The following PAX5 variants were observed in gnomAD, a reference collection of about 807,000 sequenced individuals.
PAX5 encodes the protein paired box 5.
Under a neutral mutation model 43.7 loss-of-function variants are expected in PAX5, and 9 were observed. That is an observed-to-expected ratio of 0.21 (90% confidence interval 0.12 to 0.36). The LOEUF (loss-of-function observed/expected upper bound fraction) is 0.36. PAX5 is among the 10% of genes least tolerant of loss of function. The pLI is 1.00. For missense variants in PAX5, 383 were observed against 532.7 expected, an observed-to-expected ratio of 0.72 and a Z score of 2.77; for synonymous variants, 228 against 214.3, an observed-to-expected ratio of 1.06 and a Z score of -0.56.
At chr9:36,972,508 T>C (rs964275993) in intron 5 of PAX5, among the ~76,000 whole-genome samples, 2 of 152,172 alleles carry the variant, frequency 1.3e-5, no homozygotes, top group Non-Finnish European at 2.9e-5. Flanking sequence ...TGACTTATTT[T>C]CCCATTTTGG....
chr9:36,841,626 A>C (rs1275631823), intron 9 of PAX5, among the ~76,000 whole-genome samples: 2 of 152,238 alleles, frequency 1.3e-5, no homozygotes, highest in Non-Finnish European at 2.9e-5. Flanking sequence ...GTCTGTCCCC[A>C]GTTCCAGCCT....
At chr9:36,907,750 T>C (rs2131887220) in intron 7 of PAX5, among the ~76,000 whole-genome samples, 1 of 152,300 alleles carries the variant, frequency 6.6e-6, no homozygotes, top group East Asian at 1.9e-4. Flanking sequence ...ATAAACTGTA[T>C]GTGTACATCC....
rs1385992313 is a variant in PAX5, at chr9:36,837,611, A to G, written c.*2949T>C. On this transcript the variant is annotated 3_prime_UTR_variant, in exon 10 of 10. Coordinates refer to ENST00000358127, the MANE Select transcript of PAX5 (RefSeq NM_016734.3). ...CCAAGCTCCCAGGCAGCTCCGCTGG[A>G]CCACGAGGTGCTGTGAATTGGTGAG... is the stretch of plus-strand genomic sequence containing the variant. 1 of 233,202 alleles carries G rather than the reference A, an allele frequency of 4.3e-6. No homozygotes were observed. Among genetic ancestry groups the G allele is most frequent in the African/African-American group, 2.2e-5 (1 of 45,338 alleles). 14.4% of individuals were successfully genotyped at this position (233,202 alleles called of 1,614,324 possible). A position where few individuals can be genotyped will look rare whatever the true frequency, so the allele number is the denominator to read the frequency against.
intron 7 of PAX5, among the ~76,000 whole-genome samples, chr9:36,908,061 T>C (rs1358253594): frequency 1.3e-5 from 2 of 152,134 alleles, no homozygotes; most frequent in African/African-American, 4.8e-5. Context: ...TTAGCCAGCA[T>C]AGTGGCGTGC....
chr9:36,860,494 C>A (rs1261476310), intron 8 of PAX5, among the ~76,000 whole-genome samples: 5 of 152,114 alleles, frequency 3.3e-5, no homozygotes, highest in African/African-American at 1.2e-4. Flanking sequence ...GTTTGAGAGA[C>A]AGGGGGCAGG....
At chr9:36,841,684 C>T (rs1822068798) in intron 9 of PAX5, among the ~76,000 whole-genome samples, 1 of 152,208 alleles carries the variant, frequency 6.6e-6, no homozygotes, top group Admixed American at 6.5e-5. Flanking sequence ...TGTAAATGAA[C>T]CAACTTTGCT....
chr9:37,006,456 T>G lies in PAX5; in HGVS notation c.475+17A>C. 2.5e-6 allele frequency: 4 copies of G among 1,604,024 alleles called. No individual in the cohort carries two copies. Among genetic ancestry groups the G allele is most frequent in the Non-Finnish European group, 2.6e-6 (3 of 1,171,540 alleles). On this transcript the variant is annotated intron_variant, in intron 4 of 9. Coordinates refer to ENST00000358127, the MANE Select transcript of PAX5 (RefSeq NM_016734.3). ...AGCCCATTAGATTTTTAAATTTTTT[T>G]TAAAAGTTCCTCTTACCTATGCTGT...
chr9:36,883,154 A>G (rs182722030), intron 7 of PAX5, among the ~76,000 whole-genome samples: 1 of 152,286 alleles, frequency 6.6e-6, no homozygotes, highest in Admixed American at 6.5e-5. Flanking sequence ...TGGGACTGAC[A>G]GTCTGCCCCC....
At chr9:36,880,326 A>G (rs4560879) in intron 8 of PAX5, among the ~76,000 whole-genome samples, 126,989 of 152,270 alleles carry the variant, frequency 0.83, 53,054 homozygotes, top group Admixed American at 0.88. Flanking sequence ...GCCGGGCCTC[A>G]GGCCCAGGGA....
intron 6 of PAX5, among the ~76,000 whole-genome samples, chr9:36,962,740 T>C (rs1834080797): frequency 6.6e-6 from 1 of 152,204 alleles, no homozygotes; most frequent in South Asian, 2.1e-4. Flanking sequence ...AAGTGCTCTT[T>C]GTTCCCCACC....
intron 1 of PAX5, among the ~76,000 whole-genome samples, chr9:37,030,427 C>A (rs983530845): frequency 6.6e-6 from 1 of 152,208 alleles, no homozygotes; most frequent in African/African-American, 2.4e-5. Context: ...GCGCCTCAGT[C>A]CTGTCTCTGA....
intron 8 of PAX5, among the ~76,000 whole-genome samples, chr9:36,881,625 C>T (rs554475131): frequency 2.4e-4 from 35 of 148,772 alleles, no homozygotes; most frequent in African/African-American, 6.4e-4. Flanking sequence ...TCTGCTTGTT[C>T]GTGTCACACG....
At chr9:37,027,373 G>C (rs1789227702) in intron 1 of PAX5, among the ~76,000 whole-genome samples, 1 of 152,234 alleles carries the variant, frequency 6.6e-6, no homozygotes, top group Non-Finnish European at 1.5e-5. Context: ...CACCAGCGAC[G>C]GACTCTTCCT....
At chr9:36,993,791 T>G (rs883967) in intron 5 of PAX5, among the ~76,000 whole-genome samples, 4 of 151,718 alleles carry the variant, frequency 2.6e-5, no homozygotes, top group South Asian at 4.1e-4. Context: ...TATATCCCCC[T>G]CCATCGGCCC....
intron 6 of PAX5, among the ~76,000 whole-genome samples, chr9:36,949,958 G>A (rs980542310): frequency 7.9e-5 from 12 of 152,124 alleles, no homozygotes; most frequent in Non-Finnish European, 8.8e-5. Flanking sequence ...CTCCCTAAGC[G>A]ACACCTCTTT....
intron 6 of PAX5, among the ~76,000 whole-genome samples, chr9:36,961,813 C>T (rs535138460): frequency 3.9e-5 from 6 of 152,334 alleles, no homozygotes; most frequent in African/African-American, 7.2e-5. Flanking sequence ...CACACACACA[C>T]GCACGCACAT....
In PAX5 at chr9:36,836,216, A is replaced by G. The variant is rs1307959775; in HGVS notation, c.*4344T>C. On this transcript the variant is annotated 3_prime_UTR_variant, in exon 10 of 10. Coordinates refer to ENST00000358127, the MANE Select transcript of PAX5 (RefSeq NM_016734.3). ...CCCCTGAAAACCCAGCAGCTCCCCA[A>G]TCCCGTCCCCAGCGCCTCTGACCTT... 4.3e-5 allele frequency: 10 copies of G among 233,578 alleles called. No homozygotes were observed. Among genetic ancestry groups the G allele is most frequent in the Non-Finnish European group, 7.6e-5 (9 of 118,404 alleles). 14.5% of individuals were successfully genotyped at this position (233,578 alleles called of 1,614,324 possible). A position where few individuals can be genotyped will look rare whatever the true frequency, so the allele number is the denominator to read the frequency against.
At chr9:36,991,569 C>G (rs1444638097) in intron 5 of PAX5, among the ~76,000 whole-genome samples, 1 of 152,196 alleles carries the variant, frequency 6.6e-6, no homozygotes, top group Non-Finnish European at 1.5e-5. Flanking sequence ...TCCAGCCTCC[C>G]CCTCCCTGAC....
intron 6 of PAX5, among the ~76,000 whole-genome samples, chr9:36,952,778 C>G (rs1190792579): frequency 6.6e-6 from 1 of 152,154 alleles, no homozygotes; most frequent in Non-Finnish European, 1.5e-5. Flanking sequence ...ATTCCTGTCC[C>G]TTAGGACATT....
Sources: gnomAD v4.1 joint callset for allele counts (sites outside exome capture counted in the v4.1 genomes callset) on GRCh38, gnomAD v4.1.1 for gene constraint, MANE v1.5 for transcripts, NCBI Gene and HGNC (gene_info 2026-07-23, HGNC 2026-07-21) for gene names.